The following TMEM8B variants were observed in gnomAD, a reference collection of about 807,000 sequenced individuals.
TMEM8B encodes the protein transmembrane protein 8B.
In TMEM8B, 29 loss-of-function variants were observed where a neutral mutation model predicts 49.3. The ratio of observed to expected loss-of-function variants is 0.59; its 90% CI spans 0.44 to 0.80. TMEM8B has a LOEUF of 0.80. TMEM8B is among the 30% of genes least tolerant of loss of function. The probability of loss-of-function intolerance (pLI) is 0.00; values close to 1 mark genes in which losing one functional copy is unlikely to be tolerated. For missense variants in TMEM8B, 575 were observed against 658.5 expected, an observed-to-expected ratio of 0.87 and a Z score of 1.39; for synonymous variants, 264 against 272.8, an observed-to-expected ratio of 0.97 and a Z score of 0.32.
At chr9:35,839,661 C>G (rs1458357393) in intron 3 of TMEM8B, among the ~76,000 whole-genome samples, 2 of 152,186 alleles carry the variant, frequency 1.3e-5, no homozygotes, top group African/African-American at 4.8e-5. Flanking sequence ...AATGGGCCAC[C>G]ACTGGAGCAT....
At chr9:35,852,750 CT>C in intron 10 of TMEM8B, 76 bp from the exon 11 acceptor site, 1 of 1,578,116 alleles carries the variant, frequency 6.3e-7, no homozygotes, top group Non-Finnish European at 8.7e-7. Flanking sequence ...CACACCACCC[CT>C]GGGCCCACCC....
rs1830953537 is a variant in TMEM8B at position 35,841,236 on chromosome 9, C to T, written c.1009C>T (p.Leu337Phe). ...LVPGRPSEQT[L>F]SPHNRSALYK... ...TCCTGGCCGGCCCTCAGAGCAAACC[C>T]TCTCCCCACACAATCGCTCAGCCCT... Residue 337 changes from leucine (L) to phenylalanine (F), a missense_variant, in exon 4 of 13, where the codon CTC becomes TTC. Transcript: ENST00000643932. The surrounding 1 kb of genome is among the most constrained non-coding windows in gnomAD (Gnocchi z 5.9). The T allele has an allele frequency of 9.6e-6, 4 of 416,248 alleles. No individual in the cohort carries two copies. 25.8% of individuals were successfully genotyped at this position (416,248 alleles called of 1,614,324 possible).
In TMEM8B at chr9:35,835,064, C is replaced by G; in HGVS notation, c.752C>G (p.Pro251Arg). Residue 251 changes from proline (P) to arginine (R), a missense_variant, in exon 3 of 13, where the codon CCA becomes CGA. Transcript: ENST00000643932. ...ATCAATCCCCTGCATACACACTTCC[C>G]AGGGGACACAGCTGTGCCTGGGGTT... is the stretch of plus-strand genomic sequence containing the variant. The part of the protein sequence containing the change: ...PVINPLHTHF[P>R]GDTAVPGVFS... The G allele has an allele frequency of 2.4e-6, 1 of 415,792 alleles. No individual in the cohort carries two copies. The highest frequency in any genetic ancestry group is 4.4e-6 in the Non-Finnish European group (1 of 226,412). 25.8% of individuals were successfully genotyped at this position (415,792 alleles called of 1,614,324 possible). A position where few individuals can be genotyped will look rare whatever the true frequency, so the allele number is the denominator to read the frequency against.
intron 10 of TMEM8B, among the ~76,000 whole-genome samples, chr9:35,849,599 G>C (rs1379868266): frequency 6.6e-6 from 1 of 152,162 alleles, no homozygotes; most frequent in Non-Finnish European, 1.5e-5. Context: ...ATCTGGGTGA[G>C]CCTGACTCCA....
chr9:35,835,061 T>G lies in TMEM8B; in HGVS notation c.749T>G (p.Phe250Cys), dbSNP rs1830315219. The G allele has an allele frequency of 2.4e-6, 1 of 415,598 alleles. No homozygotes were observed. Among genetic ancestry groups the G allele is most frequent in the Non-Finnish European group, 4.4e-6 (1 of 226,418 alleles). 25.7% of individuals were successfully genotyped at this position (415,598 alleles called of 1,614,324 possible). Reference protein sequence around the residue: ...PPVINPLHTHFPGDTAVPGVF... With the variant: ...PPVINPLHTHCPGDTAVPGVF... Reference sequence around the variant, plus strand: ...GTCATCAATCCCCTGCATACACACTTCCCAGGGGACACAGCTGTGCCTGGG... The same window carrying G: ...GTCATCAATCCCCTGCATACACACTGCCCAGGGGACACAGCTGTGCCTGGG... The change falls in exon 3 of 13, where the codon TTC (phenylalanine) becomes TGC (cysteine). Residue 250 changes from phenylalanine to cysteine, a missense_variant. Physicochemically the swap from Phe to Cys is radical, Grantham distance 205 (BLOSUM62 -2). Coordinates refer to ENST00000643932, the MANE Select transcript of TMEM8B (RefSeq NM_001042590.4).
In TMEM8B at chr9:35,842,809, G is replaced by A; in HGVS notation, c.1635+92G>A. ...TTGGGGTGTTTACCTCCTCCAGGAA[G>A]CCTGTCCAGGTTGCTCCCACCCATC... On this transcript the variant is annotated intron_variant, in intron 6 of 12. Transcript: ENST00000643932. The surrounding 1 kb of genome is among the most constrained non-coding windows in gnomAD (Gnocchi z 5.6). The A allele has an allele frequency of 2.2e-6, 3 of 1,383,606 alleles. No individual in the cohort carries two copies. Among genetic ancestry groups the A allele is most frequent in the Non-Finnish European group, 2.9e-6 (3 of 1,039,580 alleles). The allele number at this position is 1,383,606 out of a possible 1,614,324, so 85.7% of individuals were successfully genotyped here.
chr9:35,845,033 C>CG, intron 6 of TMEM8B, among the ~76,000 whole-genome samples: 1 of 152,186 alleles, frequency 6.6e-6, no homozygotes, highest in African/African-American at 2.4e-5. Flanking sequence ...CATATTGCCC[C>CG]GGGCTTGCAT....
rs1184385648 is a variant in TMEM8B at position 35,841,947 on chromosome 9, G to A, written c.1309+153G>A. On this transcript the variant is annotated intron_variant, in intron 5 of 12. Transcript: ENST00000643932. The surrounding 1 kb of genome is among the most constrained non-coding windows in gnomAD (Gnocchi z 5.9). ...GCTCCCTGAAGCCATCACACTTGGA[G>A]CTCCAAGTTATTGGAAGGCCTTTAG... 2.0e-5 allele frequency among the ~76,000 whole-genome samples: 3 copies of A among 152,128 alleles called. No individual in the cohort carries two copies. Among genetic ancestry groups the A allele is most frequent in the Non-Finnish European group, 2.9e-5 (2 of 68,006 alleles).
Position 35,841,054 on chromosome 9 carries a change from G to A in TMEM8B, c.907-80G>A, listed in dbSNP as rs879896743. ...CGGGGCGGGGGTTTCTCCCCAGCCCGCCCAGCAGGTTCTGTTTGCCTTGGT... is the reference window on the plus strand; with the variant it reads ...CGGGGCGGGGGTTTCTCCCCAGCCCACCCAGCAGGTTCTGTTTGCCTTGGT... On this transcript the variant is annotated intron_variant, in intron 3 of 12. Coordinates refer to ENST00000643932, the MANE Select transcript of TMEM8B (RefSeq NM_001042590.4). The surrounding 1 kb of genome is among the most constrained non-coding windows in gnomAD (Gnocchi z 5.9). 2.7e-5 allele frequency: 11 copies of A among 412,380 alleles called. No individual in the cohort carries two copies. Among genetic ancestry groups the A allele is most frequent in the East Asian group, 7.1e-5 (2 of 28,056 alleles). 25.5% of individuals were successfully genotyped at this position (412,380 alleles called of 1,614,324 possible). A position where few individuals can be genotyped will look rare whatever the true frequency, so the allele number is the denominator to read the frequency against.
chr9:35,860,568 T>A lies in TMEM8B; in HGVS notation c.*6728T>A, dbSNP rs1201940781. 6.6e-6 allele frequency: 1 copy of A among 152,192 alleles called. No individual in the cohort carries two copies. The highest frequency in any genetic ancestry group is 1.5e-5 in the Non-Finnish European group (1 of 68,038). 9.4% of individuals were successfully genotyped at this position (152,192 alleles called of 1,614,324 possible). ...GTAATGGATGATGCTCACCTAGTGT[T>A]CCTTGGGCCATGAAGATCAAATATT... On this transcript the variant is annotated 3_prime_UTR_variant, in exon 13 of 13. Transcript: ENST00000643932.
Position 35,851,628 on chromosome 9 carries a change from G to T in TMEM8B, c.2176-1199G>T, listed in dbSNP as rs1588180936. 2.0e-5 allele frequency among the ~76,000 whole-genome samples: 3 copies of T among 152,286 alleles called. No homozygotes were observed. In the East Asian group the frequency reaches 5.8e-4, roughly 29 times the overall value. ...GTTCATCCTTAGGCAGTCTCTTTTTGCAGGAGCAAAATTCTTTACCTCCAA... is the reference window on the plus strand; with the variant it reads ...GTTCATCCTTAGGCAGTCTCTTTTTTCAGGAGCAAAATTCTTTACCTCCAA... On this transcript the variant is annotated intron_variant, in intron 10 of 12. Coordinates refer to ENST00000643932, the MANE Select transcript of TMEM8B (RefSeq NM_001042590.4).
Position 35,853,355 on chromosome 9 carries a change from C to A in TMEM8B, c.2439+98C>A. The A allele has an allele frequency of 1.4e-6, 2 of 1,443,652 alleles. No homozygotes were observed. Among genetic ancestry groups the A allele is most frequent in the South Asian group, 1.2e-5 (1 of 82,274 alleles). 89.4% of individuals were successfully genotyped at this position (1,443,652 alleles called of 1,614,324 possible). A position where few individuals can be genotyped will look rare whatever the true frequency, so the allele number is the denominator to read the frequency against. ...CAGTTTAAGGTGGGCTTGGCTCTGT[C>A]GTCATCACCTGCTGCTGGCAGTGTC... is the stretch of plus-strand genomic sequence containing the variant. On this transcript the variant is annotated intron_variant, in intron 12 of 12. Coordinates refer to ENST00000643932, the MANE Select transcript of TMEM8B (RefSeq NM_001042590.4). The surrounding 1 kb of genome is among the most constrained non-coding windows in gnomAD (Gnocchi z 4.2).
intron 10 of TMEM8B, among the ~76,000 whole-genome samples, chr9:35,848,275 T>G (rs1394321003): frequency 6.6e-6 from 1 of 152,146 alleles, no homozygotes; most frequent in Admixed American, 6.5e-5. Context: ...TTGGCCCCTT[T>G]TTAGGCCTGC....
At position 35,846,943 on chromosome 9, in the gene TMEM8B, G is replaced by A; in HGVS notation, c.2123G>A (p.Ser708Asn). The change falls in exon 10 of 13, where the codon AGT (serine) becomes AAT (asparagine). Residue 708 changes from serine (S) to asparagine (N), a missense_variant. By Grantham distance (46) the Ser-to-Asn change is conservative. Coordinates refer to ENST00000643932, the MANE Select transcript of TMEM8B (RefSeq NM_001042590.4). ...FLPPVVLAIR[S>N]RYVLEAAVYT... ...CCACCTGTGGTCCTGGCCATTCGGAGTCGATATGTGCTGGAAGCTGCAGTC... is the reference window on the plus strand; with the variant it reads ...CCACCTGTGGTCCTGGCCATTCGGAATCGATATGTGCTGGAAGCTGCAGTC... 6.2e-7 allele frequency: 1 copy of A among 1,614,216 alleles called. No individual in the cohort carries two copies. Among genetic ancestry groups the A allele is most frequent in the African/African-American group, 1.3e-5 (1 of 75,048 alleles).
intron 6 of TMEM8B, chr9:35,845,752 T>C: frequency 1.0e-6 from 1 of 985,444 alleles, no homozygotes; most frequent in Non-Finnish European, 1.2e-6. Flanking sequence ...AATTGGGCCT[T>C]GCCGTCTCAT....
intron 1 of TMEM8B, among the ~76,000 whole-genome samples, chr9:35,832,195 G>GTGTGTGTA (rs1554679522): frequency 2.9e-5 from 4 of 138,382 alleles, no homozygotes; most frequent in African/African-American, 8.0e-5. Flanking sequence ...GTGTGTGTGT[G>GTGTGTGTA]TGTGTATGTG....
chr9:35,861,340 G>C lies in TMEM8B; in HGVS notation c.*7500G>C, dbSNP rs1327834424. ...AGGCGTGTCCTCCCGCCCATCCCCA[G>C]TGGGGGGTGTTCTGCCCATTCTCCA... On this transcript the variant is annotated 3_prime_UTR_variant, in exon 13 of 13. Transcript: ENST00000643932. 1 of 152,408 alleles carries C rather than the reference G, an allele frequency of 6.6e-6. No homozygotes were observed. Among genetic ancestry groups the C allele is most frequent in the Non-Finnish European group, 1.5e-5 (1 of 68,142 alleles). 9.4% of individuals were successfully genotyped at this position (152,408 alleles called of 1,614,324 possible). A position where few individuals can be genotyped will look rare whatever the true frequency, so the allele number is the denominator to read the frequency against.
At position 35,829,289 on chromosome 9, in the gene TMEM8B, C is replaced by G. The variant is rs891934858; in HGVS notation, c.-159C>G. 8.3e-6 allele frequency: 3 copies of G among 363,098 alleles called. No individual in the cohort carries two copies. The highest frequency in any genetic ancestry group is 9.3e-5 in the Admixed American group (2 of 21,456). 22.5% of individuals were successfully genotyped at this position (363,098 alleles called of 1,614,324 possible). The stretch of plus-strand genomic sequence containing the variant: ...TGGTTATCGCCGGTTCAGCGCAGCC[C>G]GGAGTCGCCCAGGCCTGAACTCCTA... On this transcript the variant is annotated 5_prime_UTR_variant, in exon 1 of 13. Transcript: ENST00000643932.
chr9:35,855,132 G>C lies in TMEM8B; in HGVS notation c.*1292G>C, dbSNP rs1039329354. ...TCTCTCTGCCACTTCTGGGCCATAT[G>C]TGGAGACCCGTAAAGTTGTCTAAGG... On this transcript the variant is annotated 3_prime_UTR_variant, in exon 13 of 13. Coordinates refer to ENST00000643932, the MANE Select transcript of TMEM8B (RefSeq NM_001042590.4). 1 of 152,210 alleles carries C rather than the reference G, an allele frequency of 6.6e-6. No homozygotes were observed. The highest frequency in any genetic ancestry group is 1.5e-5 in the Non-Finnish European group (1 of 68,038). The allele number at this position is 152,210 out of a possible 1,614,324, so 9.4% of individuals were successfully genotyped here. A position where few individuals can be genotyped will look rare whatever the true frequency, so the allele number is the denominator to read the frequency against.
Sources: gnomAD v4.1 joint callset for allele counts (sites outside exome capture counted in the v4.1 genomes callset) on GRCh38, gnomAD v4.1.1 for gene constraint, Gnocchi (gnomAD v3.1) non-coding constraint, MANE v1.5 for transcripts, NCBI Gene and HGNC (gene_info 2026-07-23, HGNC 2026-07-21) for gene names.